UQCC1: variants seen among roughly 807,000 people sequenced by gnomAD.
UQCC1 encodes the protein ubiquinol-cytochrome c reductase complex assembly factor 1, also known as bFGF-repressed Zic-binding protein.
A neutral mutation model predicts 48.0 loss-of-function variants in UQCC1; 38 were observed. The observed-to-expected ratio is 0.79, with a 90% CI of 0.61 to 1.04. UQCC1 has a LOEUF of 1.04. Ranked by LOEUF, UQCC1 falls within the 50% of genes least tolerant of loss-of-function variation. The probability of loss-of-function intolerance (pLI) is 0.00; values close to 1 mark genes in which losing one functional copy is unlikely to be tolerated. For synonymous variants in UQCC1, 111 were observed against 129.2 expected (o/e 0.86, Z 0.95); for missense variants, 368 against 381.8 (o/e 0.96, Z 0.30).
intron 7 of UQCC1, among the ~76,000 whole-genome samples, chr20:35,343,091 A>G (rs927394630): frequency 1.3e-5 from 2 of 152,192 alleles, no homozygotes; most frequent in African/African-American, 4.8e-5. Flanking sequence ...ACTCAAAGCA[A>G]TCACCTCTAA....
At chr20:35,384,230 C>T in intron 2 of UQCC1, 97 bp from the exon 3 acceptor site, 2 of 1,071,048 alleles carry the variant, frequency 1.9e-6, no homozygotes, top group Non-Finnish European at 2.7e-6. Context: ...ATCTTTCCAA[C>T]CTTACTTAGC....
chr20:35,324,621 T>C (rs184664054), intron 7 of UQCC1, among the ~76,000 whole-genome samples: 133 of 152,380 alleles, frequency 8.7e-4, no homozygotes, highest in African/African-American at 3.0e-3. Flanking sequence ...CCACCGCACC[T>C]GGCCGAGCAA....
At chr20:35,329,180 C>G (rs929652738) in intron 7 of UQCC1, among the ~76,000 whole-genome samples, 19 of 152,132 alleles carry the variant, frequency 1.2e-4, no homozygotes, top group Non-Finnish European at 2.4e-4. Flanking sequence ...AGACAATTCC[C>G]GAACTCCGGG....
At chr20:35,375,955 A>G (rs1256547232) in intron 4 of UQCC1, among the ~76,000 whole-genome samples, 4 of 150,952 alleles carry the variant, frequency 2.6e-5, no homozygotes, top group African/African-American at 9.7e-5. Flanking sequence ...CCTAAAAAAA[A>G]AAAAAAAAAA....
chr20:35,394,471 T>C (rs1362093659), intron 1 of UQCC1, among the ~76,000 whole-genome samples: 1 of 151,122 alleles, frequency 6.6e-6, no homozygotes, highest in Non-Finnish European at 1.5e-5. Context: ...ACCACAGGAG[T>C]AGAGGGTTGG....
At chr20:35,314,152 C>T (rs922878689) in intron 8 of UQCC1, among the ~76,000 whole-genome samples, 7 of 151,898 alleles carry the variant, frequency 4.6e-5, no homozygotes, top group African/African-American at 7.2e-5. Flanking sequence ...TTTAGTGACA[C>T]GGGGTTTCAC....
intron 7 of UQCC1, among the ~76,000 whole-genome samples, chr20:35,322,074 A>G (rs1457826308): frequency 6.6e-6 from 1 of 152,206 alleles, no homozygotes; most frequent in African/African-American, 2.4e-5. Flanking sequence ...CTTTTAGGGC[A>G]TTTGAATAAG....
chr20:35,379,532 A>C (rs2061841642), intron 4 of UQCC1, among the ~76,000 whole-genome samples: 1 of 152,244 alleles, frequency 6.6e-6, no homozygotes, highest in Non-Finnish European at 1.5e-5. Flanking sequence ...GGCTGGGCGC[A>C]GTGGCTCAAT....
chr20:35,410,839 T>G (rs955696972), intron 1 of UQCC1, among the ~76,000 whole-genome samples: 1 of 150,350 alleles, frequency 6.7e-6, no homozygotes, highest in Admixed American at 6.6e-5. Flanking sequence ...TGAATCAATT[T>G]CTGGCCTGAA....
At chr20:35,387,112 AC>A (rs1211007754) in intron 2 of UQCC1, among the ~76,000 whole-genome samples, 1 of 149,716 alleles carries the variant, frequency 6.7e-6, no homozygotes, top group African/African-American at 2.5e-5. Context: ...CACCATCTCT[AC>A]CCCCCTCCAA....
At chr20:35,374,058 A>G in intron 5 of UQCC1, 126 bp downstream of exon 5, 1 of 683,088 alleles carries the variant, frequency 1.5e-6, no homozygotes, top group Non-Finnish European at 2.5e-6. Context: ...GACAGTTTGG[A>G]TTATATGCTT....
rs547702174 is a variant in UQCC1 at position 35,306,219 on chromosome 20, T to C, written c.765+447A>G. On this transcript the variant is annotated intron_variant, in intron 9 of 9. Transcript: ENST00000374385. ...TGGAGAGCATCTAGCAGGAAGAGGC[T>C]GTCTGTGAAATGCTGCCTGCTGCCC... Among the ~76,000 whole-genome samples, 8 of 152,306 alleles carry C rather than the reference T, an allele frequency of 5.3e-5. No individual in the cohort carries two copies. The South Asian group carries it at 1.5e-3, about 28-fold the overall frequency.
At chr20:35,394,615 G>A (rs2062052801) in intron 1 of UQCC1, among the ~76,000 whole-genome samples, 2 of 152,134 alleles carry the variant, frequency 1.3e-5, no homozygotes, top group African/African-American at 4.8e-5. Context: ...CTAAATGACA[G>A]AGTTCAGAGA....
At chr20:35,385,311 G>A (rs778751786) in intron 2 of UQCC1, among the ~76,000 whole-genome samples, 2 of 152,100 alleles carry the variant, frequency 1.3e-5, no homozygotes, top group Non-Finnish European at 2.9e-5. Context: ...GATCACAATC[G>A]CCACCTTTTT....
intron 7 of UQCC1, among the ~76,000 whole-genome samples, chr20:35,342,143 A>G (rs1314460052): frequency 1.3e-5 from 2 of 152,164 alleles, no homozygotes; most frequent in Admixed American, 1.3e-4. Context: ...CAGAAGGTGC[A>G]TTCTTATTCC....
chr20:35,394,244 T>C, intron 1 of UQCC1, 48 bp from the exon 2 acceptor site: 1 of 1,499,908 alleles, frequency 6.7e-7, no homozygotes, highest in Non-Finnish European at 9.3e-7. Context: ...TCATACTCCC[T>C]ACATGGAAGG....
chr20:35,309,150 G>C, intron 8 of UQCC1: 1 of 456,170 alleles, frequency 2.2e-6, no homozygotes, highest in Admixed American at 2.3e-5. Flanking sequence ...ACCTGGCATA[G>C]AGTGGGAGAG....
Position 35,411,968 on chromosome 20 carries a change from C to T in UQCC1, c.-5G>A. On this transcript the variant is annotated 5_prime_UTR_variant, in exon 1 of 10. Coordinates refer to ENST00000374385, the MANE Select transcript of UQCC1 (RefSeq NM_018244.5). ...GACTCGCACCAGCAACGCCATGTTC[C>T]TCAATAACCATTTCCGGGTGAAGAG... 1 of 1,614,244 alleles carries T rather than the reference C, an allele frequency of 6.2e-7. No homozygotes were observed. Among genetic ancestry groups the T allele is most frequent in the Non-Finnish European group, 8.5e-7 (1 of 1,180,046 alleles).
chr20:35,315,250 AGAG>A (rs2146310026), intron 7 of UQCC1: 1 of 156,154 alleles, frequency 6.4e-6, no homozygotes, highest in South Asian at 1.9e-4. Context: ...GGAGTTTGAC[AGAG>A]GAGAGTGAGG....
Sources: allele counts gnomAD v4.1 joint callset (sites outside exome capture counted in the v4.1 genomes callset), GRCh38; gene constraint gnomAD v4.1.1; transcripts MANE v1.5; gene names NCBI Gene and HGNC (gene_info 2026-07-23, HGNC 2026-07-21).